Variants in EVC observed in about 807,000 individuals in gnomAD.
EVC encodes EvC ciliary complex subunit 1, also known as evC complex member EVC.
Under a neutral mutation model 118.9 loss-of-function variants are expected in EVC, and 116 were observed. The ratio of observed to expected loss-of-function variants is 0.98; its 90% CI spans 0.84 to 1.14. The LOEUF (loss-of-function observed/expected upper bound fraction) is 1.14, where lower values mean the gene tolerates loss of function less well. Ranked by LOEUF, EVC falls within the 50% of genes most tolerant of loss-of-function variation. The pLI is 0.00. For synonymous variants in EVC, 619 were observed against 534.7 expected (o/e 1.16, Z -2.18); for missense variants, 1,401 against 1,246.4 (o/e 1.12, Z -1.87).
chr4:5,820,490 G>GAAGA, the EVC span, among the ~76,000 whole-genome samples: 5 of 152,178 alleles, frequency 3.3e-5, no homozygotes, highest in Non-Finnish European at 7.3e-5. Context: ...TACAATACAA[G>GAAGA]AAGAAAGAGA....
In EVC at chr4:5,756,424, C is replaced by T. The variant is rs1731186477; in HGVS notation, c.1563+62C>T. 7.0e-6 allele frequency: 10 copies of T among 1,419,020 alleles called. No homozygotes were observed. The highest frequency in any genetic ancestry group is 1.9e-5 in the Admixed American group (1 of 51,474). 87.9% of individuals were successfully genotyped at this position (1,419,020 alleles called of 1,614,324 possible). On this transcript the variant is annotated intron_variant, in intron 11 of 20. Transcript: ENST00000264956. The surrounding 1 kb of genome is among the most constrained non-coding windows in gnomAD (Gnocchi z 4.2). ...AGGGTCTGTGTGTGTGCGAGAACCT[C>T]ACATCCTCCTGGCTGGGGACCCCAG...
chr4:5,806,447 ATATTTC>A (rs1715929780), intron 17 of EVC, among the ~76,000 whole-genome samples: 1 of 152,008 alleles, frequency 6.6e-6, no homozygotes, highest in Non-Finnish European at 1.5e-5. Context: ...AAAATATGAG[ATATTTC>A]TGTTTCTGAG....
chr4:5,753,863 C>T lies in EVC; in HGVS notation c.1394C>T (p.Ala465Val), dbSNP rs1388137619. 3 of 1,614,024 alleles carry T rather than the reference C, an allele frequency of 1.9e-6. No homozygotes were observed. Among genetic ancestry groups the T allele is most frequent in the South Asian group, 1.1e-5 (1 of 91,070 alleles). The change falls in exon 10 of 21, where the codon GCC becomes GTC. Residue 465 changes from alanine (A) to valine (V), a missense_variant. By Grantham distance (64) the Ala-to-Val change is moderately conservative. Coordinates refer to ENST00000264956, the MANE Select transcript of EVC (RefSeq NM_153717.3). Reference protein sequence around the residue: ...QVEGTAKLTLAQEEEQRSFLA... With the variant: ...QVEGTAKLTLVQEEEQRSFLA... Reference sequence around the variant, plus strand: ...GAGGGAACGGCAAAACTCACGCTGGCCCAAGAGGAGGAACAGAGAAGCTTC... The same window carrying T: ...GAGGGAACGGCAAAACTCACGCTGGTCCAAGAGGAGGAACAGAGAAGCTTC...
chr4:5,820,573 G>A, the EVC span, among the ~76,000 whole-genome samples: 58 of 152,254 alleles, frequency 3.8e-4, no homozygotes, highest in African/African-American at 1.3e-3. Context: ...CCCATCAGCC[G>A]TCTTCCCTCT....
chr4:5,820,778 T>A, the EVC span: 5 of 151,644 alleles, frequency 3.3e-5, no homozygotes, highest in African/African-American at 9.7e-5. Context: ...AGTGCCCTAG[T>A]CAGGTCAGTG....
At chr4:5,759,544 C>G (rs539701462) in intron 11 of EVC, among the ~76,000 whole-genome samples, 7 of 152,166 alleles carry the variant, frequency 4.6e-5, no homozygotes, top group African/African-American at 7.2e-5. Flanking sequence ...CTCCTCACCC[C>G]CTATGGTAGC....
At chr4:5,783,887 G>C (rs1487983943) in intron 12 of EVC, 123 bp downstream of exon 12, 3 of 918,320 alleles carry the variant, frequency 3.3e-6, no homozygotes, top group Non-Finnish European at 5.1e-6. Context: ...GGAGATGACT[G>C]TTGCCTCCCT....
Position 5,798,120 on chromosome 4 carries a change from CTCTTATTTCTA to C in EVC, c.2098-465_2098-455del. ...GCTACAGCCCCGCTCACTTCTTTCT[CTCTTATTTCTA>C]CAAATAAAGGCAGTCCTCAGAGCCC... On this transcript the variant is annotated intron_variant, in intron 14 of 20. Coordinates refer to ENST00000264956, the MANE Select transcript of EVC (RefSeq NM_153717.3). The surrounding 1 kb of genome is among the most constrained non-coding windows in gnomAD (Gnocchi z 4.1). Among the ~76,000 whole-genome samples, 1 of 152,296 alleles carries C rather than the reference CTCTTATTTCTA, an allele frequency of 6.6e-6. No individual in the cohort carries two copies. Among genetic ancestry groups the C allele is most frequent in the Non-Finnish European group, 1.5e-5 (1 of 67,994 alleles).
chr4:5,758,185 A>G lies in EVC; in HGVS notation c.1563+1823A>G, dbSNP rs895594490. The stretch of plus-strand genomic sequence containing the variant: ...AGCCGAGGAACACCTGCAGCCACCA[A>G]AAGCCAGAAGAGCCCAGGAAGGGCC... On this transcript the variant is annotated intron_variant, in intron 11 of 20. Coordinates refer to ENST00000264956, the MANE Select transcript of EVC (RefSeq NM_153717.3). The G allele has an allele frequency of 1.4e-5, 10 of 699,850 alleles. No homozygotes were observed. In the African/African-American group the frequency reaches 1.6e-4, roughly 11 times the overall value. The allele number at this position is 699,850 out of a possible 1,614,324, so 43.4% of individuals were successfully genotyped here.
chr4:5,729,423 GT>G, intron 3 of EVC, 33 bp downstream of exon 3: 1 of 1,588,984 alleles, frequency 6.3e-7, no homozygotes, highest in Non-Finnish European at 8.6e-7. Flanking sequence ...TAGAAAGCCA[GT>G]TACTTCCGTC....
intron 3 of EVC, among the ~76,000 whole-genome samples, chr4:5,730,980 G>A (rs545602413): frequency 6.6e-6 from 1 of 152,096 alleles, no homozygotes; most frequent in Admixed American, 6.5e-5. Context: ...TGGGCAGAGG[G>A]CAGGAGGGTG....
At chr4:5,771,895 T>TA in intron 11 of EVC, among the ~76,000 whole-genome samples, 1 of 121,084 alleles carries the variant, frequency 8.3e-6, no homozygotes, top group Non-Finnish European at 1.7e-5. Context: ...TTTTATTTTA[T>TA]TTTATTATTA....
At chr4:5,799,653 T>TTACAGCCCTGTGCCCAGCAGGC (rs1445866509) in intron 15 of EVC, among the ~76,000 whole-genome samples, 1 of 152,136 alleles carries the variant, frequency 6.6e-6, no homozygotes, top group Non-Finnish European at 1.5e-5. Context: ...CAGCAGCAGG[T>TTACAGCCCTGTGCCCAGCAGGC]TACAGCCCTG....
At chr4:5,815,898 C>A (rs1717597476), downstream of EVC, among the ~76,000 whole-genome samples, 1 of 151,788 alleles carries the variant, frequency 6.6e-6, no homozygotes, top group South Asian at 2.1e-4. Flanking sequence ...ATATTCCTTT[C>A]CTCCTGTGGC....
chr4:5,782,656 G>T (rs989104808), intron 11 of EVC, among the ~76,000 whole-genome samples: 3 of 151,780 alleles, frequency 2.0e-5, no homozygotes, highest in Non-Finnish European at 2.9e-5. Flanking sequence ...TTGGGGTGGG[G>T]GAGCGGGGAT....
At chr4:5,782,939 TAGAG>T (rs1287480504) in intron 11 of EVC, among the ~76,000 whole-genome samples, 1 of 151,672 alleles carries the variant, frequency 6.6e-6, no homozygotes, top group Non-Finnish European at 1.5e-5. Flanking sequence ...ATGCCAGAGT[TAGAG>T]AGCTCACTGT....
Position 5,719,104 on chromosome 4 carries a change from G to A in EVC, c.175-144G>A. On this transcript the variant is annotated intron_variant, in intron 1 of 20. Coordinates refer to ENST00000264956, the MANE Select transcript of EVC (RefSeq NM_153717.3). The surrounding 1 kb of genome is among the most constrained non-coding windows in gnomAD (Gnocchi z 4.7). ...GGGGTGGGAGGCGTCACACACAGAA[G>A]ACCAAGCTTGAGAAGCACAGAGGCG... The A allele has an allele frequency of 8.9e-7, 1 of 1,122,238 alleles. No individual in the cohort carries two copies. Among genetic ancestry groups the A allele is most frequent in the Non-Finnish European group, 1.3e-6 (1 of 744,940 alleles). The allele number at this position is 1,122,238 out of a possible 1,614,324, so 69.5% of individuals were successfully genotyped here.
intron 13 of EVC, among the ~76,000 whole-genome samples, chr4:5,794,707 A>G (rs1713621177): frequency 6.6e-6 from 1 of 152,122 alleles, no homozygotes; most frequent in Admixed American, 6.6e-5. Flanking sequence ...CACCATGCCC[A>G]GTCGAGAAAA....
chr4:5,787,947 C>G (rs758378590), intron 12 of EVC, among the ~76,000 whole-genome samples: 1 of 152,162 alleles, frequency 6.6e-6, no homozygotes, highest in Non-Finnish European at 1.5e-5. Flanking sequence ...TGGTCTCTTT[C>G]CTCCTCCTTG....
Sources: gnomAD v4.1 joint callset for allele counts (sites outside exome capture counted in the v4.1 genomes callset) on GRCh38, gnomAD v4.1.1 for gene constraint, Gnocchi (gnomAD v3.1) non-coding constraint, MANE v1.5 for transcripts, NCBI Gene and HGNC (gene_info 2026-07-23, HGNC 2026-07-21) for gene names.